The following SCYL2 variants were observed in gnomAD, a reference collection of about 807,000 sequenced individuals.
SCYL2 encodes SCY1 like pseudokinase 2, also known as SCY1-like protein 2.
A neutral mutation model predicts 100.4 loss-of-function variants in SCYL2; 36 were observed. The ratio of observed to expected loss-of-function variants is 0.36; its 90% CI spans 0.27 to 0.47. SCYL2 has a LOEUF of 0.47. Among genes scored for constraint, SCYL2 ranks in the 20% least tolerant of loss-of-function variants. The probability of loss-of-function intolerance (pLI) is 1.00; values close to 1 mark genes in which losing one functional copy is unlikely to be tolerated. For synonymous variants in SCYL2, 330 were observed against 359.2 expected, an observed-to-expected ratio of 0.92 and a Z score of 0.92; for missense variants, 902 against 1,083.9, an observed-to-expected ratio of 0.83 and a Z score of 2.36.
chr12:100,319,312 C>T, intron 10 of SCYL2: 1 of 453,184 alleles, frequency 2.2e-6, no homozygotes, highest in Non-Finnish European at 4.4e-6. Context: ...TTTCTTAGTT[C>T]TTTTTAAAGA....
intron 12 of SCYL2, among the ~76,000 whole-genome samples, chr12:100,326,988 T>C (rs1952138708): frequency 6.6e-6 from 1 of 152,160 alleles, no homozygotes; most frequent in Non-Finnish European, 1.5e-5. Flanking sequence ...CATGATAGCA[T>C]GTAGTTTTCC....
At position 100,339,567 on chromosome 12, in the gene SCYL2, C is replaced by G. The variant is rs1427472255; in HGVS notation, c.*395C>G. On this transcript the variant is annotated 3_prime_UTR_variant, in exon 18 of 18. Transcript: ENST00000360820. ...CATCTATTAAGTACTATATGGTACA[C>G]AGTCTATGAGTCATTAGTCTTCATT... is the stretch of plus-strand genomic sequence containing the variant. 1.6e-5 allele frequency: 3 copies of G among 186,800 alleles called. No individual in the cohort carries two copies. The highest frequency in any genetic ancestry group is 5.4e-5 in the Admixed American group (1 of 18,378). The allele number at this position is 186,800 out of a possible 1,614,324, so 11.6% of individuals were successfully genotyped here. A position where few individuals can be genotyped will look rare whatever the true frequency, so the allele number is the denominator to read the frequency against.
intron 12 of SCYL2, among the ~76,000 whole-genome samples, chr12:100,327,782 G>A (rs1253967841): frequency 6.6e-6 from 1 of 152,012 alleles, no homozygotes; most frequent in African/African-American, 2.4e-5. Flanking sequence ...CCAAAGTGCT[G>A]GGATTACCGC....
chr12:100,309,966 G>A (rs1047767955), intron 4 of SCYL2, among the ~76,000 whole-genome samples: 3 of 151,948 alleles, frequency 2.0e-5, no homozygotes, highest in African/African-American at 7.3e-5. Context: ...CCCATGGTAT[G>A]TAAAGATGTG....
At chr12:100,276,530 G>T (rs1334268966) in intron 1 of SCYL2, among the ~76,000 whole-genome samples, 2 of 151,948 alleles carry the variant, frequency 1.3e-5, no homozygotes, top group Non-Finnish European at 2.9e-5. Context: ...TAGAAACAGG[G>T]TCTCCTTATG....
At chr12:100,336,562 CTTCT>C (rs1952279751) in intron 16 of SCYL2, among the ~76,000 whole-genome samples, 1 of 151,964 alleles carries the variant, frequency 6.6e-6, no homozygotes, top group Non-Finnish European at 1.5e-5. Flanking sequence ...ATGATGTACC[CTTCT>C]TGGTTTATTC....
chr12:100,305,280 A>G lies in SCYL2; in HGVS notation c.481-5764A>G, dbSNP rs1022801346. On this transcript the variant is annotated intron_variant, in intron 4 of 17. Transcript: ENST00000360820. ...TAAAACACGCCTCAGCAAATGCAAA[A>G]GAATGGAAATCCTAACAAACAGTCT... Among the ~76,000 whole-genome samples the G allele has an allele frequency of 4.6e-5, 7 of 152,266 alleles. No homozygotes were observed. In the East Asian group the frequency reaches 1.3e-3, roughly 29 times the overall value.
rs780242057 is a variant in SCYL2 at position 100,312,408 on chromosome 12, A to G, written c.631-24A>G. ...TGTTTGGTTGAATTTGAAGTAACCC[A>G]TGTAATTCCTTTTCTTACTACAGCC... On this transcript the variant is annotated intron_variant, in intron 5 of 17. Coordinates refer to ENST00000360820, the MANE Select transcript of SCYL2 (RefSeq NM_017988.6). The G allele has an allele frequency of 2.7e-6, 4 of 1,494,654 alleles. No individual in the cohort carries two copies. The South Asian group carries it at 4.5e-5, about 17-fold the overall frequency. The allele number at this position is 1,494,654 out of a possible 1,614,324, so 92.6% of individuals were successfully genotyped here.
intron 10 of SCYL2, among the ~76,000 whole-genome samples, chr12:100,318,704 A>T (rs2135913054): frequency 6.6e-6 from 1 of 152,322 alleles, no homozygotes; most frequent in Non-Finnish European, 1.5e-5. Flanking sequence ...CTTGCTTGGT[A>T]ACTCAGTTTT....
chr12:100,301,326 G>A, intron 4 of SCYL2, among the ~76,000 whole-genome samples: 1 of 151,914 alleles, frequency 6.6e-6, no homozygotes, highest in East Asian at 1.9e-4. Flanking sequence ...CAAATCTTTT[G>A]CCCATTTTTG....
chr12:100,267,248 C>A lies in SCYL2; in HGVS notation c.-573C>A, dbSNP rs1566334512. The A allele has an allele frequency of 4.5e-6, 3 of 664,366 alleles. No individual in the cohort carries two copies. The highest frequency in any genetic ancestry group is 7.4e-6 in the Non-Finnish European group (3 of 404,674). The allele number at this position is 664,366 out of a possible 1,614,324, so 41.2% of individuals were successfully genotyped here. Reference sequence around the variant, plus strand: ...CCCACCCCTTTCCTTCTAGCTCCGACGTTTGCGGCCGCGGGGGCGGCGGAG... The same window carrying A: ...CCCACCCCTTTCCTTCTAGCTCCGAAGTTTGCGGCCGCGGGGGCGGCGGAG... On this transcript the variant is annotated 5_prime_UTR_variant, in exon 1 of 18. Transcript: ENST00000360820.
At chr12:100,292,467 A>G (rs2096311729) in intron 3 of SCYL2, among the ~76,000 whole-genome samples, 1 of 152,294 alleles carries the variant, frequency 6.6e-6, no homozygotes, top group South Asian at 2.1e-4. Flanking sequence ...TGAAGGTCCC[A>G]TCTCCCTTCA....
chr12:100,295,041 G>T (rs573654624), intron 3 of SCYL2, among the ~76,000 whole-genome samples: 1 of 146,342 alleles, frequency 6.8e-6, no homozygotes, highest in Non-Finnish European at 1.5e-5. Context: ...GGGCAGAGGC[G>T]CTCCTCACAT....
At chr12:100,300,564 T>C (rs552214889) in intron 4 of SCYL2, among the ~76,000 whole-genome samples, 15 of 152,294 alleles carry the variant, frequency 9.8e-5, no homozygotes, top group African/African-American at 3.6e-4. Context: ...CCTGTTGTGC[T>C]AGCAAGTTCT....
chr12:100,293,804 G>C (rs2135856296), intron 3 of SCYL2, among the ~76,000 whole-genome samples: 1 of 152,270 alleles, frequency 6.6e-6, no homozygotes, highest in Middle Eastern at 3.4e-3. Flanking sequence ...ATTTAACCCT[G>C]AGTGGACACA....
At chr12:100,274,552 T>C (rs2096290736) in intron 1 of SCYL2, among the ~76,000 whole-genome samples, 1 of 152,212 alleles carries the variant, frequency 6.6e-6, no homozygotes, top group Non-Finnish European at 1.5e-5. Context: ...GTATTTCTTA[T>C]CAAACTTCCT....
At chr12:100,305,072 A>G (rs1164637559) in intron 4 of SCYL2, among the ~76,000 whole-genome samples, 9 of 152,182 alleles carry the variant, frequency 5.9e-5, no homozygotes, top group Non-Finnish European at 1.3e-4. Context: ...TTAACAGCCC[A>G]TTGTCAATAT....
intron 6 of SCYL2, 62 bp downstream of exon 6, chr12:100,312,715 T>G: frequency 8.2e-7 from 1 of 1,214,410 alleles, no homozygotes. Flanking sequence ...TTTGATTTTT[T>G]TCCAAAATGT....
At chr12:100,324,707 A>G (rs1158128042) in intron 11 of SCYL2, among the ~76,000 whole-genome samples, 1 of 152,208 alleles carries the variant, frequency 6.6e-6, no homozygotes, top group African/African-American at 2.4e-5. Flanking sequence ...TTTGTTACTA[A>G]CAACCCCTGT....
Sources: allele counts gnomAD v4.1 joint callset (sites outside exome capture counted in the v4.1 genomes callset), GRCh38; gene constraint gnomAD v4.1.1; transcripts MANE v1.5; gene names NCBI Gene and HGNC (gene_info 2026-07-23, HGNC 2026-07-21).